PARD3: variants seen among roughly 807,000 people sequenced by gnomAD.
PARD3 encodes partitioning defective 3 homolog.
Under a neutral mutation model 155.4 loss-of-function variants are expected in PARD3, and 75 were observed. The ratio of observed to expected loss-of-function variants is 0.48; its 90% CI spans 0.40 to 0.58. The LOEUF is 0.58. PARD3 is among the 20% of genes least tolerant of loss of function. The pLI is 0.00. For synonymous variants in PARD3, 576 were observed against 610.5 expected, an observed-to-expected ratio of 0.94 and a Z score of 0.83; for missense variants, 1,642 against 1,721.7, an observed-to-expected ratio of 0.95 and a Z score of 0.82.
At chr10:34,350,223 T>G (rs1837896609) in intron 14 of PARD3, among the ~76,000 whole-genome samples, 4 of 152,214 alleles carry the variant, frequency 2.6e-5, no homozygotes. Context: ...AATAGAAATG[T>G]GTCAGAGGGG....
intron 3 of PARD3, among the ~76,000 whole-genome samples, chr10:34,505,314 A>C (rs1393384029): frequency 6.6e-6 from 1 of 152,248 alleles, no homozygotes; most frequent in Non-Finnish European, 1.5e-5. Flanking sequence ...AGTACCAGGC[A>C]AGACCTCAGA....
At chr10:34,265,046 C>T (rs1019976067) in intron 22 of PARD3, among the ~76,000 whole-genome samples, 2 of 152,192 alleles carry the variant, frequency 1.3e-5, no homozygotes, top group African/African-American at 4.8e-5. Context: ...CCACTGTGCC[C>T]GGCCTACGCC....
intron 12 of PARD3, among the ~76,000 whole-genome samples, chr10:34,371,322 C>T: frequency 6.6e-6 from 1 of 151,376 alleles, no homozygotes; most frequent in South Asian, 2.1e-4. Flanking sequence ...TTGTCTACAA[C>T]ACACACTTAT....
In PARD3 at chr10:34,284,231, C is replaced by T. The variant is rs771587873; in HGVS notation, c.3080G>A (p.Arg1027Gln). 2.1e-5 allele frequency: 33 copies of T among 1,604,904 alleles called. No homozygotes were observed. Among genetic ancestry groups the T allele is most frequent in the Non-Finnish European group, 2.6e-5 (30 of 1,175,184 alleles). The change falls in exon 21 of 25, where the codon CGA becomes CAA. Residue 1027 changes from arginine (R) to glutamine (Q), a missense_variant. Arg to Gln is a conservative substitution (Grantham distance 43). Around this residue, in one of 3 missense-constraint regions of PARD3, gnomAD observed 1,529 missense variants for 1,587.3 expected, o/e 0.96. Transcript: ENST00000374788. The part of the protein sequence containing the change: ...LGDMFRFGKH[R>Q]KDDKIEKTGK... The stretch of plus-strand genomic sequence containing the variant: ...CGTTTTCTCAATCTTGTCATCTTTT[C>T]GATGTTTGCCAAACCTGTTAATAAC...
At chr10:34,804,229 G>C (rs1255119473) in intron 1 of PARD3, among the ~76,000 whole-genome samples, 1 of 152,186 alleles carries the variant, frequency 6.6e-6, no homozygotes. Context: ...TAGAGATGGG[G>C]TTTTGTCATG....
chr10:34,335,192 G>A (rs564870140), intron 18 of PARD3, among the ~76,000 whole-genome samples: 2 of 152,010 alleles, frequency 1.3e-5, no homozygotes, highest in African/African-American at 4.8e-5. Flanking sequence ...TAACTGCCGT[G>A]CAATACAGTT....
intron 22 of PARD3, among the ~76,000 whole-genome samples, chr10:34,230,853 C>T (rs1470341439): frequency 1.3e-5 from 2 of 151,966 alleles, no homozygotes; most frequent in Admixed American, 1.3e-4. Context: ...CACAATGAGA[C>T]CTCATCTTTA....
At position 34,815,118 on chromosome 10, in the gene PARD3, G is replaced by C; in HGVS notation, c.-123C>G. 3 of 400,700 alleles carry C rather than the reference G, an allele frequency of 7.5e-6. No homozygotes were observed. The highest frequency in any genetic ancestry group is 1.0e-5 in the Non-Finnish European group (3 of 291,892). The allele number at this position is 400,700 out of a possible 1,614,324, so 24.8% of individuals were successfully genotyped here. A position where few individuals can be genotyped will look rare whatever the true frequency, so the allele number is the denominator to read the frequency against. Reference sequence around the variant, plus strand: ...GACTCGGGCGCGCGGGCGGCTAGGGGCGCGGGCAGGCGGCGGCGACGCCGG... The same window carrying C: ...GACTCGGGCGCGCGGGCGGCTAGGGCCGCGGGCAGGCGGCGGCGACGCCGG... On this transcript the variant is annotated 5_prime_UTR_variant, in exon 1 of 25. Coordinates refer to ENST00000374788, the MANE Select transcript of PARD3 (RefSeq NM_001184785.2).
chr10:34,137,801 A>G (rs182582787), intron 22 of PARD3, among the ~76,000 whole-genome samples: 1 of 152,254 alleles, frequency 6.6e-6, no homozygotes, highest in Non-Finnish European at 1.5e-5. Flanking sequence ...AGATCAGCCA[A>G]CCCCTAGCCT....
intron 1 of PARD3, among the ~76,000 whole-genome samples, chr10:34,782,587 T>A (rs181297075): frequency 1.3e-5 from 2 of 152,330 alleles, no homozygotes; most frequent in East Asian, 3.9e-4. Context: ...ACAGTAGACA[T>A]TATTTCCTCT....
intron 7 of PARD3, among the ~76,000 whole-genome samples, chr10:34,397,557 A>C (rs751073049): frequency 6.6e-6 from 1 of 152,220 alleles, no homozygotes; most frequent in Non-Finnish European, 1.5e-5. Context: ...TATCAAAACT[A>C]AATGCCATGG....
At chr10:34,621,963 C>T (rs1383202876) in intron 2 of PARD3, among the ~76,000 whole-genome samples, 4 of 152,296 alleles carry the variant, frequency 2.6e-5, no homozygotes, top group East Asian at 1.9e-4. Flanking sequence ...TCAATCAATA[C>T]GTGACTATCA....
At chr10:34,287,185 G>A (rs1014457629) in intron 20 of PARD3, among the ~76,000 whole-genome samples, 2 of 152,038 alleles carry the variant, frequency 1.3e-5, no homozygotes, top group East Asian at 3.9e-4. Flanking sequence ...GCAACACTGA[G>A]GCATCTCCAA....
At chr10:34,651,969 G>C (rs1370067556) in intron 2 of PARD3, among the ~76,000 whole-genome samples, 1 of 152,136 alleles carries the variant, frequency 6.6e-6, no homozygotes, top group African/African-American at 2.4e-5. Flanking sequence ...CACAGTATCT[G>C]TTCTTGCTTA....
intron 19 of PARD3, among the ~76,000 whole-genome samples, chr10:34,325,192 T>C (rs1958615366): frequency 6.6e-6 from 1 of 152,138 alleles, no homozygotes; most frequent in South Asian, 2.1e-4. Flanking sequence ...GTATTTTTAG[T>C]AGAGATGGGG....
At chr10:34,699,283 G>A (rs964652388) in intron 1 of PARD3, among the ~76,000 whole-genome samples, 5 of 151,954 alleles carry the variant, frequency 3.3e-5, no homozygotes, top group African/African-American at 1.2e-4. Context: ...AAAGAACTGA[G>A]CAGGAGATCA....
chr10:34,435,802 G>C (rs907454470), intron 5 of PARD3, among the ~76,000 whole-genome samples: 4 of 152,172 alleles, frequency 2.6e-5, no homozygotes, highest in Non-Finnish European at 5.9e-5. Context: ...TATACTAAGG[G>C]AAGAAAACAC....
chr10:34,286,736 T>C (rs1956412793), intron 20 of PARD3, among the ~76,000 whole-genome samples: 1 of 152,098 alleles, frequency 6.6e-6, no homozygotes, highest in Non-Finnish European at 1.5e-5. Context: ...ACTGAAGGAT[T>C]TGGAACAGAG....
intron 2 of PARD3, among the ~76,000 whole-genome samples, chr10:34,613,170 A>G (rs1173569111): frequency 6.6e-6 from 1 of 152,222 alleles, no homozygotes; most frequent in African/African-American, 2.4e-5. Context: ...AAGCATTAAA[A>G]TAAGTGTATC....
Sources: allele counts gnomAD v4.1 joint callset (sites outside exome capture counted in the v4.1 genomes callset), GRCh38; gene constraint gnomAD v4.1.1; regional missense constraint gnomAD v4.1.1; transcripts MANE v1.5; gene names NCBI Gene and HGNC (gene_info 2026-07-23, HGNC 2026-07-21).